ACVR2B: variants seen among roughly 807,000 people sequenced by gnomAD.
ACVR2B encodes the protein activin receptor type-2B.
In ACVR2B, 18 loss-of-function variants were observed where a neutral mutation model predicts 65.1. The ratio of observed to expected loss-of-function variants is 0.28; its 90% CI spans 0.19 to 0.41. The LOEUF (loss-of-function observed/expected upper bound fraction) is 0.41, where lower values mean the gene tolerates loss of function less well. ACVR2B is among the 10% of genes least tolerant of loss of function. The pLI is 1.00. For missense variants in ACVR2B, 482 were observed against 682.7 expected (o/e 0.71, Z 3.28); for synonymous variants, 298 against 277.7 (o/e 1.07, Z -0.73).
intron 1 of ACVR2B, chr3:38,474,877 TCC>T (rs1709880800): frequency 6.6e-6 from 1 of 152,230 alleles, no homozygotes; most frequent in Non-Finnish European, 1.5e-5. Flanking sequence ...GGTGGTAACT[TCC>T]GACTTACGCT....
rs1356834613 is a variant in ACVR2B, at chr3:38,483,130, C to G, written c.1345-8C>G. The G allele has an allele frequency of 1.2e-6, 2 of 1,614,036 alleles. No homozygotes were observed. The highest frequency in any genetic ancestry group is 1.7e-6 in the Non-Finnish European group (2 of 1,180,006). On this transcript the variant is annotated splice_region_variant and splice_polypyrimidine_tract_variant and intron_variant, in intron 10 of 10. Coordinates refer to ENST00000352511, the MANE Select transcript of ACVR2B (RefSeq NM_001106.4). This position sits in a 1 kb window ranked among gnomAD's most constrained non-coding sequence, Gnocchi z 4.8. ...AGGTGTCTTTCCTGTCTGCCCTATG[C>G]TGCTTAGGGCCTGGCCCAGCTTTGT...
Position 38,478,224 on chromosome 3 carries a change from A to G in ACVR2B, c.454A>G (p.Ile152Val), listed in dbSNP as rs1709947793. 6.2e-7 allele frequency: 1 copy of G among 1,613,942 alleles called. No individual in the cohort carries two copies. Among genetic ancestry groups the G allele is most frequent in the Non-Finnish European group, 8.5e-7 (1 of 1,179,966 alleles). ...SLLPIGGLSLIVLLAFWMYRH... is the reference protein window; with the variant it reads ...SLLPIGGLSLVVLLAFWMYRH... ...GCTGCCCATCGGGGGCCTTTCCCTC[A>G]TCGTCCTGCTGGCCTTTTGGATGTA... The change falls in exon 4 of 11, where the codon ATC (isoleucine) becomes GTC (valine). Residue 152 changes from isoleucine (I) to valine (V), a missense_variant. Ile to Val is a conservative substitution (Grantham distance 29, BLOSUM62 3). This residue lies in a region of ACVR2B where 95 missense variants were observed against 91.6 expected (regional missense o/e 1.04). Transcript: ENST00000352511.
rs892097993 is a variant in ACVR2B, at chr3:38,477,780, T to G, written c.261-81T>G. The G allele has an allele frequency of 1.4e-5, 19 of 1,386,666 alleles. No individual in the cohort carries two copies. In the East Asian group the frequency reaches 3.9e-4, roughly 28 times the overall value. The allele number at this position is 1,386,666 out of a possible 1,614,324, so 85.9% of individuals were successfully genotyped here. On this transcript the variant is annotated intron_variant, in intron 2 of 10. Coordinates refer to ENST00000352511, the MANE Select transcript of ACVR2B (RefSeq NM_001106.4). This position sits in a 1 kb window ranked among gnomAD's most constrained non-coding sequence, Gnocchi z 6.7. ...TGTTGCCCATGAGGTGCTCTGTCTG[T>G]GAGGAGGGGTTGGCAGGGCAGGCCT...
chr3:38,468,578 T>C (rs772590629), intron 1 of ACVR2B, among the ~76,000 whole-genome samples: 1 of 152,234 alleles, frequency 6.6e-6, no homozygotes, highest in Non-Finnish European at 1.5e-5. Flanking sequence ...AGGATCTGAC[T>C]GTACCTTACT....
rs7640050 is a variant in ACVR2B at position 38,484,373 on chromosome 3, A to C, written c.*1041A>C. The C allele has an allele frequency of 0.43, 64,833 of 152,122 alleles. 16,170 individuals are homozygous for C. The highest frequency in any genetic ancestry group is 0.57 in the Non-Finnish European group (38,903 of 67,970). 9.4% of individuals were successfully genotyped at this position (152,122 alleles called of 1,614,324 possible). A position where few individuals can be genotyped will look rare whatever the true frequency, so the allele number is the denominator to read the frequency against. On this transcript the variant is annotated 3_prime_UTR_variant, in exon 11 of 11. Coordinates refer to ENST00000352511, the MANE Select transcript of ACVR2B (RefSeq NM_001106.4). ...TGGAGCAGTTCAGGGAAATGCCCAC[A>C]GGGGATTGTCCTGCACAGATAGGGC... is the stretch of plus-strand genomic sequence containing the variant.
chr3:38,461,256 TC>T (rs1709641591), intron 1 of ACVR2B, among the ~76,000 whole-genome samples: 1 of 152,204 alleles, frequency 6.6e-6, no homozygotes, highest in African/African-American at 2.4e-5. Flanking sequence ...GCATGAGTTT[TC>T]CCAGCCTGGG....
intron 8 of ACVR2B, 104 bp from the exon 9 acceptor site, chr3:38,482,094 C>G: frequency 6.6e-7 from 1 of 1,510,054 alleles, no homozygotes; most frequent in Non-Finnish European, 9.2e-7. Flanking sequence ...CTGAATTGCT[C>G]TGTCTTGCCC....
At position 38,489,311 on chromosome 3, in the gene ACVR2B, G is replaced by C. The variant is rs981332992; in HGVS notation, c.*5979G>C. The C allele has an allele frequency of 3.9e-5, 6 of 152,644 alleles. No homozygotes were observed. The highest frequency in any genetic ancestry group is 1.4e-4 in the African/African-American group (6 of 41,448). The allele number at this position is 152,644 out of a possible 1,614,324, so 9.5% of individuals were successfully genotyped here. On this transcript the variant is annotated 3_prime_UTR_variant, in exon 11 of 11. Transcript: ENST00000352511. ...ACAGATTTCTTCTACACAGTGTGGA[G>C]ATTGTTTTATACCACAGATTATTTT...
chr3:38,462,204 A>G (rs1334534398), intron 1 of ACVR2B, among the ~76,000 whole-genome samples: 2 of 152,060 alleles, frequency 1.3e-5, no homozygotes, highest in East Asian at 3.9e-4. Context: ...AAAATAAATA[A>G]ATAAATAAAC....
rs1709933532 is a variant in ACVR2B at position 38,477,517 on chromosome 3, T to G, written c.260+23T>G. 6.2e-7 allele frequency: 1 copy of G among 1,610,200 alleles called. No individual in the cohort carries two copies. The highest frequency in any genetic ancestry group is 1.3e-5 in the African/African-American group (1 of 74,664). On this transcript the variant is annotated intron_variant, in intron 2 of 10. Coordinates refer to ENST00000352511, the MANE Select transcript of ACVR2B (RefSeq NM_001106.4). This position sits in a 1 kb window ranked among gnomAD's most constrained non-coding sequence, Gnocchi z 6.7. ...TAGGTACCCCAAGACTTGCCCTCCT[T>G]TCCTCTTGGACCCACCTGCGCTTAT...
chr3:38,465,607 A>T (rs929787268), intron 1 of ACVR2B, among the ~76,000 whole-genome samples: 4 of 152,182 alleles, frequency 2.6e-5, no homozygotes, highest in African/African-American at 7.2e-5. Flanking sequence ...ATGATAGATC[A>T]GAAGAAGATA....
In ACVR2B at chr3:38,489,483, A is replaced by T. The variant is rs1710176786; in HGVS notation, c.*6151A>T. On this transcript the variant is annotated 3_prime_UTR_variant, in exon 11 of 11. Transcript: ENST00000352511. The stretch of plus-strand genomic sequence containing the variant: ...GTGATACACTGGCAGACTGGAGTCA[A>T]TTTGCGGGTCTTTTTTGGCCAAAAC... 6.6e-6 allele frequency: 1 copy of T among 152,568 alleles called. No homozygotes were observed. Among genetic ancestry groups the T allele is most frequent in the Non-Finnish European group, 1.5e-5 (1 of 68,028 alleles). 9.5% of individuals were successfully genotyped at this position (152,568 alleles called of 1,614,324 possible).
intron 1 of ACVR2B, among the ~76,000 whole-genome samples, chr3:38,460,116 TC>T (rs887350391): frequency 9.8e-5 from 15 of 152,316 alleles, no homozygotes; most frequent in Middle Eastern, 3.4e-3. Flanking sequence ...GGTTCAGACT[TC>T]CTAGTTCCAT....
intron 1 of ACVR2B, chr3:38,474,813 CAG>C (rs1559651572): frequency 6.6e-6 from 1 of 152,354 alleles, no homozygotes; most frequent in East Asian, 1.9e-4. Flanking sequence ...TGCCTGGTCT[CAG>C]GGGAGAGGGA....
chr3:38,459,697 T>A (rs1250465785), intron 1 of ACVR2B: 3 of 982,384 alleles, frequency 3.1e-6, no homozygotes, highest in Non-Finnish European at 3.6e-6. Context: ...AAGGTATGGG[T>A]GCAAGTCTCT....
chr3:38,457,448 C>T (rs1180997988), intron 1 of ACVR2B, among the ~76,000 whole-genome samples: 1 of 152,180 alleles, frequency 6.6e-6, no homozygotes, highest in Non-Finnish European at 1.5e-5. Context: ...TAATAAATGT[C>T]ACATGGTGCT....
intron 6 of ACVR2B, 94 bp downstream of exon 6, chr3:38,479,365 T>A: frequency 6.3e-7 from 1 of 1,583,546 alleles, no homozygotes; most frequent in South Asian, 1.1e-5. Context: ...TGTGGAGGTG[T>A]CCACCATGAA....
intron 1 of ACVR2B, among the ~76,000 whole-genome samples, chr3:38,466,815 T>TAAA (rs1186602731): frequency 6.6e-6 from 1 of 152,022 alleles, no homozygotes; most frequent in African/African-American, 2.4e-5. Flanking sequence ...CAAAACTTCT[T>TAAA]AAAAAAGAAT....
Position 38,481,610 on chromosome 3 carries a change from G to C in ACVR2B, c.1074+145G>C. On this transcript the variant is annotated intron_variant, in intron 8 of 10. Coordinates refer to ENST00000352511, the MANE Select transcript of ACVR2B (RefSeq NM_001106.4). The surrounding 1 kb of genome is among the most constrained non-coding windows in gnomAD (Gnocchi z 4.7). ...AGAACTTAGAGCAATGCTCTTGTTT[G>C]ACCAGTGGAGAAACCAAGACCAGGA... is the stretch of plus-strand genomic sequence containing the variant. 4 of 712,708 alleles carry C rather than the reference G, an allele frequency of 5.6e-6. No individual in the cohort carries two copies. In the South Asian group the frequency reaches 6.2e-5, roughly 11 times the overall value. The allele number at this position is 712,708 out of a possible 1,614,324, so 44.1% of individuals were successfully genotyped here. A position where few individuals can be genotyped will look rare whatever the true frequency, so the allele number is the denominator to read the frequency against.
Sources: allele counts gnomAD v4.1 joint callset (sites outside exome capture counted in the v4.1 genomes callset), GRCh38; gene constraint gnomAD v4.1.1; regional missense constraint gnomAD v4.1.1; non-coding constraint Gnocchi (gnomAD v3.1); transcripts MANE v1.5; gene names NCBI Gene and HGNC (gene_info 2026-07-23, HGNC 2026-07-21).